Variants in ASPRV1 observed in about 807,000 individuals in gnomAD.
The protein encoded by ASPRV1 is retroviral-like aspartic protease 1.
Under a neutral mutation model 11.0 loss-of-function variants are expected in ASPRV1, and 7 were observed. The ratio of observed to expected loss-of-function variants is 0.64; its 90% CI spans 0.36 to 1.20. The LOEUF (loss-of-function observed/expected upper bound fraction) is 1.20, where lower values mean the gene tolerates loss of function less well. ASPRV1 is among the 50% of genes most tolerant of loss of function. The pLI, the probability that ASPRV1 is intolerant of heterozygous loss-of-function variation, is 0.02. For synonymous variants in ASPRV1, 136 were observed against 138.4 expected, an observed-to-expected ratio of 0.98 and a Z score of 0.12; for missense variants, 299 against 320.0, an observed-to-expected ratio of 0.93 and a Z score of 0.50.
the ASPRV1 span, among the ~76,000 whole-genome samples, chr2:70,009,460 G>C: frequency 1.3e-5 from 2 of 152,232 alleles, no homozygotes; most frequent in African/African-American, 2.4e-5. Context: ...CTCCCGAGTA[G>C]CTGGGATTAC....
chr2:69,950,872 T>C, the ASPRV1 span, among the ~76,000 whole-genome samples: 4 of 146,190 alleles, frequency 2.7e-5, no homozygotes, highest in African/African-American at 1.0e-4. Context: ...AATAAATAAA[T>C]AAATAAATAA....
the ASPRV1 span, among the ~76,000 whole-genome samples, chr2:69,948,700 AG>A: frequency 6.6e-6 from 1 of 152,042 alleles, no homozygotes; most frequent in Non-Finnish European, 1.5e-5. Context: ...GCCCCGAGGG[AG>A]GGGGCTGCCC....
At chr2:70,009,904 C>T in the ASPRV1 span, among the ~76,000 whole-genome samples, 7 of 152,194 alleles carry the variant, frequency 4.6e-5, no homozygotes, top group Non-Finnish European at 8.8e-5. Context: ...CGAAGCCCCA[C>T]GGCTCTATAA....
the ASPRV1 span, among the ~76,000 whole-genome samples, chr2:70,042,856 A>C: frequency 5.5e-4 from 83 of 152,192 alleles, no homozygotes; most frequent in African/African-American, 2.0e-3. Context: ...GTGTCCAAAA[A>C]AATTAGCTAG....
the ASPRV1 span, among the ~76,000 whole-genome samples, chr2:70,047,448 GCCC>G: frequency 1.6e-4 from 25 of 152,312 alleles, no homozygotes; most frequent in South Asian, 1.7e-3. Flanking sequence ...CCATGAAACT[GCCC>G]GTTCTCTGTT....
the ASPRV1 span, among the ~76,000 whole-genome samples, chr2:70,026,499 A>G: frequency 0.068 from 10,362 of 152,104 alleles, 1,219 homozygotes; most frequent in African/African-American, 0.24. Context: ...AAAGAAATTC[A>G]GTAAAGTTGC....
the ASPRV1 span, among the ~76,000 whole-genome samples, chr2:70,042,192 T>C: frequency 6.6e-6 from 1 of 152,336 alleles, no homozygotes; most frequent in South Asian, 2.1e-4. Flanking sequence ...AAAGCTCTTT[T>C]TGAGGTGCAG....
At chr2:70,061,608 T>C in the ASPRV1 span, among the ~76,000 whole-genome samples, 3 of 152,038 alleles carry the variant, frequency 2.0e-5, no homozygotes, top group Non-Finnish European at 2.9e-5. Context: ...AAGGACCAGA[T>C]ACTGCAGGAT....
At chr2:70,047,298 G>C in the ASPRV1 span, among the ~76,000 whole-genome samples, 1 of 152,130 alleles carries the variant, frequency 6.6e-6, no homozygotes, top group South Asian at 2.1e-4. Flanking sequence ...CAACAGAAAA[G>C]CCCAGGGGCA....
the ASPRV1 span, among the ~76,000 whole-genome samples, chr2:70,017,850 T>C: frequency 2.8e-4 from 43 of 152,144 alleles, no homozygotes; most frequent in South Asian, 1.2e-3. Flanking sequence ...TAAAAATACT[T>C]CGGAATAGGC....
chr2:70,039,376 G>A, the ASPRV1 span, among the ~76,000 whole-genome samples: 2 of 152,244 alleles, frequency 1.3e-5, no homozygotes, highest in South Asian at 4.1e-4. Flanking sequence ...ATGGAAGCAA[G>A]AGCTCAAAAT....
the ASPRV1 span, among the ~76,000 whole-genome samples, chr2:69,932,784 A>G: frequency 6.6e-6 from 1 of 152,248 alleles, no homozygotes; most frequent in South Asian, 2.1e-4. Context: ...AAAAATTCAC[A>G]CACTCATATC....
the ASPRV1 span, among the ~76,000 whole-genome samples, chr2:70,068,085 C>G: frequency 2.0e-5 from 3 of 152,218 alleles, no homozygotes; most frequent in Admixed American, 2.0e-4. Flanking sequence ...TGGCTCCAGG[C>G]AAGCCCTGGT....
the ASPRV1 span, chr2:70,030,712 C>A: frequency 6.6e-6 from 1 of 152,084 alleles, no homozygotes; most frequent in Non-Finnish European, 1.5e-5. Flanking sequence ...AGACAAAATT[C>A]TCTGTATGTG....
At chr2:70,062,260 G>A in the ASPRV1 span, among the ~76,000 whole-genome samples, 2 of 151,648 alleles carry the variant, frequency 1.3e-5, no homozygotes, top group African/African-American at 4.8e-5. Context: ...AGCCAAGATC[G>A]TGCCATTGCA....
the ASPRV1 span, among the ~76,000 whole-genome samples, chr2:70,043,395 G>C: frequency 1.3e-5 from 2 of 152,034 alleles, no homozygotes; most frequent in African/African-American, 4.8e-5. Context: ...TCCAGCCTGG[G>C]TGGCAGAGTA....
chr2:69,956,451 G>GAAGAAGAA (rs1677938467), downstream of ASPRV1, among the ~76,000 whole-genome samples: 1 of 97,996 alleles, frequency 1.0e-5, no homozygotes, highest in African/African-American at 5.5e-5. Flanking sequence ...AAGGAGAAGA[G>GAAGAAGAA]GAAGAAGAAG....
upstream of ASPRV1, among the ~76,000 whole-genome samples, chr2:69,965,849 C>G (rs1678322110): frequency 1.3e-5 from 2 of 152,224 alleles, no homozygotes; most frequent in African/African-American, 4.8e-5. Context: ...CTGCCACACT[C>G]CTCACCCAGT....
the ASPRV1 span, among the ~76,000 whole-genome samples, chr2:70,057,611 T>C: frequency 6.6e-6 from 1 of 152,054 alleles, no homozygotes; most frequent in Admixed American, 6.5e-5. Flanking sequence ...CCCAAGTAGC[T>C]GGGATTACAG....
Sources: allele counts gnomAD v4.1 joint callset (sites outside exome capture counted in the v4.1 genomes callset), GRCh38; gene constraint gnomAD v4.1.1; transcripts MANE v1.5; gene names NCBI Gene and HGNC (gene_info 2026-07-23, HGNC 2026-07-21).